The following HACD1 variants were observed in gnomAD, a reference collection of about 807,000 sequenced individuals.
The protein encoded by HACD1 is very-long-chain (3R)-3-hydroxyacyl-CoA dehydratase 1.
HACD1 carries 41 observed loss-of-function variants against 32.0 expected under a neutral mutation model. The observed-to-expected ratio is 1.28, with a 90% CI of 1.00 to 1.66. The LOEUF (loss-of-function observed/expected upper bound fraction) is 1.66. HACD1 is among the 40% of genes most tolerant of loss of function. The probability of loss-of-function intolerance (pLI) is 0.00; values close to 1 mark genes in which losing one functional copy is unlikely to be tolerated. For missense variants in HACD1, 396 were observed against 380.1 expected, an observed-to-expected ratio of 1.04 and a Z score of -0.35; for synonymous variants, 142 against 139.0, an observed-to-expected ratio of 1.02 and a Z score of -0.15.
chr10:17,594,280 T>C lies in HACD1; in HGVS notation c.709A>G (p.Arg237Gly). The C allele has an allele frequency of 6.2e-7, 1 of 1,602,430 alleles. No individual in the cohort carries two copies. Among genetic ancestry groups the C allele is most frequent in the Non-Finnish European group, 8.5e-7 (1 of 1,174,216 alleles). Residue 237 changes from arginine to glycine, a missense_variant, in exon 6 of 7, where the codon AGA becomes GGA. Arg to Gly is a moderately radical substitution (Grantham distance 125). Transcript: ENST00000361271. ...GAGACATTGTATTTGTTAGGAAGTC[T>C]TATTGAAAACATTCCTGTTTTCTTC... ...HVKKTGMFSIRLPNKYNVSFD... is the reference protein window; with the variant it reads ...HVKKTGMFSIGLPNKYNVSFD...
At chr10:17,607,474 G>C (rs575424069) in intron 1 of HACD1, among the ~76,000 whole-genome samples, 1 of 152,190 alleles carries the variant, frequency 6.6e-6, no homozygotes, top group East Asian at 1.9e-4. Flanking sequence ...AAAACAAAAA[G>C]TTTATTAAGA....
intron 1 of HACD1, among the ~76,000 whole-genome samples, chr10:17,606,183 G>T (rs1214396975): frequency 6.6e-6 from 1 of 151,942 alleles, no homozygotes; most frequent in African/African-American, 2.4e-5. Flanking sequence ...AAAAACAAGA[G>T]AGAGAGAAAG....
At chr10:17,598,901 A>G (rs1235879954) in intron 5 of HACD1, among the ~76,000 whole-genome samples, 1 of 152,208 alleles carries the variant, frequency 6.6e-6, no homozygotes, top group African/African-American at 2.4e-5. Context: ...TGTAAATGGT[A>G]TAAATTGTGG....
intron 4 of HACD1, chr10:17,603,272 A>G (rs757620458): frequency 1.0e-4 from 27 of 263,252 alleles, no homozygotes; most frequent in Non-Finnish European, 1.1e-4. Context: ...TATAGAAAAG[A>G]ACATTTTCTG....
chr10:17,609,324 G>T (rs1196916439), intron 1 of HACD1, among the ~76,000 whole-genome samples: 1 of 151,556 alleles, frequency 6.6e-6, no homozygotes, highest in East Asian at 2.0e-4. Flanking sequence ...CGGCTAATTT[G>T]TTGTATTTTT....
At chr10:17,591,594 C>G (rs550079478) in intron 6 of HACD1, among the ~76,000 whole-genome samples, 1 of 152,246 alleles carries the variant, frequency 6.6e-6, no homozygotes, top group South Asian at 2.1e-4. Flanking sequence ...TATTTTGAAC[C>G]AATTTGAACC....
intron 5 of HACD1, among the ~76,000 whole-genome samples, chr10:17,597,656 A>T (rs1306707698): frequency 1.3e-5 from 2 of 152,200 alleles, no homozygotes; most frequent in Non-Finnish European, 2.9e-5. Context: ...ACTATATGGT[A>T]AGTTAGTATT....
At position 17,608,018 on chromosome 10, in the gene HACD1, A is replaced by AT. The variant is rs111722789; in HGVS notation, c.258-3972dup. ...AGCAACTGGAATTTCTGCAATTAGG[A>AT]TTTTTTTTTTTAGACAGATTCTCGC... On this transcript the variant is annotated intron_variant, in intron 1 of 6. Transcript: ENST00000361271. Among the ~76,000 whole-genome samples the AT allele has an allele frequency of 4.3e-3, 636 of 148,210 alleles. 3 individuals are homozygous for AT. Among genetic ancestry groups the AT allele is most frequent in the African/African-American group, 0.014 (559 of 40,576 alleles).
rs574480327 is a variant in HACD1 at position 17,589,161 on chromosome 10, C to A, written c.*1203G>T. Reference sequence around the variant, plus strand: ...CCCAAAATGTTTAGTTACCTAAGTACCACAAAGGGATTATCATAACAATTG... The same window carrying A: ...CCCAAAATGTTTAGTTACCTAAGTAACACAAAGGGATTATCATAACAATTG... On this transcript the variant is annotated 3_prime_UTR_variant, in exon 7 of 7. Transcript: ENST00000361271. The A allele has an allele frequency of 1.3e-5, 2 of 152,070 alleles. No individual in the cohort carries two copies. The highest frequency in any genetic ancestry group is 2.4e-5 in the African/African-American group (1 of 41,398). The allele number at this position is 152,070 out of a possible 1,614,324, so 9.4% of individuals were successfully genotyped here.
At chr10:17,594,854 T>G (rs1833974822) in intron 5 of HACD1, among the ~76,000 whole-genome samples, 2 of 150,548 alleles carry the variant, frequency 1.3e-5, no homozygotes, top group South Asian at 4.2e-4. Flanking sequence ...GGTGTTTTTT[T>G]TTTTTGTTTT....
chr10:17,602,433 A>G (rs1834084021), intron 4 of HACD1, among the ~76,000 whole-genome samples: 1 of 152,182 alleles, frequency 6.6e-6, no homozygotes, highest in Admixed American at 6.5e-5. Flanking sequence ...CTCGCCTGAA[A>G]GGTTTGAATC....
rs1207006334 is a variant in HACD1 at position 17,617,092 on chromosome 10, A to C, written c.248T>G (p.Met83Arg). Residue 83 changes from methionine (M) to arginine (R), a missense_variant, in exon 1 of 7, where the codon ATG (methionine) becomes AGG (arginine). Physicochemically the swap from Met to Arg is moderately conservative, Grantham distance 91 (BLOSUM62 -1). Transcript: ENST00000361271. ...CCCGCGGCGCGCGTACCCCGCGGTCATGGCGATGTCGTAGAAGGTGAGCCA... is the reference window on the plus strand; with the variant it reads ...CCCGCGGCGCGCGTACCCCGCGGTCCTGGCGATGTCGTAGAAGGTGAGCCA... ...TAWLTFYDIA[M>R]TAGWLVLAIA... 7 of 1,490,744 alleles carry C rather than the reference A, an allele frequency of 4.7e-6. No individual in the cohort carries two copies. Among genetic ancestry groups the C allele is most frequent in the African/African-American group, 1.5e-5 (1 of 68,368 alleles). The allele number at this position is 1,490,744 out of a possible 1,614,324, so 92.3% of individuals were successfully genotyped here.
At chr10:17,611,398 G>T (rs1268548484) in intron 1 of HACD1, among the ~76,000 whole-genome samples, 1 of 152,168 alleles carries the variant, frequency 6.6e-6, no homozygotes, top group East Asian at 1.9e-4. Context: ...GTCCTTCACC[G>T]CTCAGTTTAA....
intron 1 of HACD1, among the ~76,000 whole-genome samples, chr10:17,614,998 C>T (rs564368692): frequency 1.3e-5 from 2 of 152,248 alleles, no homozygotes; most frequent in East Asian, 3.9e-4. Context: ...GTGATCCGCC[C>T]ACCTCGGCCT....
chr10:17,608,886 T>C (rs1024702708), intron 1 of HACD1, among the ~76,000 whole-genome samples: 8 of 152,142 alleles, frequency 5.3e-5, no homozygotes, highest in Non-Finnish European at 1.0e-4. Flanking sequence ...TTCAACTGAT[T>C]GTACACCAGC....
chr10:17,613,554 A>C (rs1833023587), intron 1 of HACD1, among the ~76,000 whole-genome samples: 1 of 152,188 alleles, frequency 6.6e-6, no homozygotes, highest in East Asian at 1.9e-4. Flanking sequence ...TATGTATGCA[A>C]ATCTTATTCC....
Position 17,617,197 on chromosome 10 carries a change from G to T in HACD1, c.143C>A (p.Thr48Asn). 2 of 1,501,220 alleles carry T rather than the reference G, an allele frequency of 1.3e-6. No homozygotes were observed. The highest frequency in any genetic ancestry group is 2.9e-5 in the African/African-American group (2 of 69,202). The allele number at this position is 1,501,220 out of a possible 1,614,324, so 93.0% of individuals were successfully genotyped here. The change falls in exon 1 of 7, where the codon ACC (threonine) becomes AAC (asparagine). Residue 48 changes from threonine (T) to asparagine (N), a missense_variant. By Grantham distance (65) the Thr-to-Asn change is moderately conservative. Coordinates refer to ENST00000361271, the MANE Select transcript of HACD1 (RefSeq NM_014241.4). Reference sequence around the variant, plus strand: ...GCCGGCCTCCGAGGCGCCGCCGTTGGTGCCGTCCTCGTCGCTGGACGCCAT... The same window carrying T: ...GCCGGCCTCCGAGGCGCCGCCGTTGTTGCCGTCCTCGTCGCTGGACGCCAT... ...ATMASSDEDG[T>N]NGGASEAGED...
At chr10:17,599,084 A>G in intron 5 of HACD1, 1 of 970,806 alleles carries the variant, frequency 1.0e-6, no homozygotes, top group Non-Finnish European at 1.3e-6. Flanking sequence ...TTTCACTCAA[A>G]ATATTTATTA....
chr10:17,613,733 A>G (rs1833025709), intron 1 of HACD1, among the ~76,000 whole-genome samples: 1 of 152,248 alleles, frequency 6.6e-6, no homozygotes, highest in African/African-American at 2.4e-5. Context: ...TCAGAGGGAC[A>G]GAATGGAGAA....
Sources: gnomAD v4.1 joint callset for allele counts (sites outside exome capture counted in the v4.1 genomes callset) on GRCh38, gnomAD v4.1.1 for gene constraint, MANE v1.5 for transcripts, NCBI Gene and HGNC (gene_info 2026-07-23, HGNC 2026-07-21) for gene names.